LRRC4C: variants seen among roughly 807,000 people sequenced by gnomAD.
LRRC4C encodes the protein leucine-rich repeat-containing protein 4C.
A neutral mutation model predicts 33.6 loss-of-function variants in LRRC4C; 5 were observed. The ratio of observed to expected loss-of-function variants is 0.15; its 90% CI spans 0.08 to 0.31. LRRC4C has a LOEUF of 0.31. Ranked by LOEUF, LRRC4C falls within the 10% of genes least tolerant of loss-of-function variation. The pLI, the probability that LRRC4C is intolerant of heterozygous loss-of-function variation, is 1.00. For missense variants in LRRC4C, 560 were observed against 796.7 expected (o/e 0.70, Z 3.58); for synonymous variants, 329 against 302.0 (o/e 1.09, Z -0.93).
intron 1 of LRRC4C, among the ~76,000 whole-genome samples, chr11:41,093,927 C>CAAAAAAA (rs56173087): frequency 1.7e-5 from 1 of 59,000 alleles, no homozygotes; most frequent in Admixed American, 2.4e-4. Context: ...CCGTCTCCAC[C>CAAAAAAA]AAAAAAAAAA....
intron 1 of LRRC4C, among the ~76,000 whole-genome samples, chr11:41,263,377 T>A (rs1949045530): frequency 6.6e-6 from 1 of 152,178 alleles, no homozygotes; most frequent in South Asian, 2.1e-4. Context: ...TTTCATTTTC[T>A]GAGATCAAAA....
chr11:40,932,112 G>A (rs979779066), intron 2 of LRRC4C, among the ~76,000 whole-genome samples: 1 of 152,066 alleles, frequency 6.6e-6, no homozygotes, highest in African/African-American at 2.4e-5. Context: ...AAGAGAATTT[G>A]CAGCATTGCT....
chr11:40,591,009 GT>G (rs1250204067), intron 3 of LRRC4C, among the ~76,000 whole-genome samples: 3 of 152,194 alleles, frequency 2.0e-5, no homozygotes, highest in Admixed American at 6.5e-5. Flanking sequence ...GCTCCACCCA[GT>G]TGGAGCTTCC....
At chr11:40,767,479 A>C (rs372081126) in intron 2 of LRRC4C, among the ~76,000 whole-genome samples, 2 of 152,100 alleles carry the variant, frequency 1.3e-5, no homozygotes, top group South Asian at 4.1e-4. Context: ...ATGAAACTAA[A>C]AGATATTTAC....
intron 3 of LRRC4C, among the ~76,000 whole-genome samples, chr11:40,454,441 T>C (rs1427268719): frequency 6.6e-6 from 1 of 152,132 alleles, no homozygotes; most frequent in East Asian, 1.9e-4. Context: ...AGTAAAACTC[T>C]GACATCTTCG....
intron 3 of LRRC4C, among the ~76,000 whole-genome samples, chr11:40,484,568 G>A (rs1428505370): frequency 6.6e-6 from 1 of 151,988 alleles, no homozygotes; most frequent in Non-Finnish European, 1.5e-5. Flanking sequence ...TTAGTTATAG[G>A]AGTTGAAATA....
At chr11:40,936,920 A>C (rs1443187337) in intron 1 of LRRC4C, among the ~76,000 whole-genome samples, 1 of 152,192 alleles carries the variant, frequency 6.6e-6, no homozygotes, top group Non-Finnish European at 1.5e-5. Flanking sequence ...CGTTCCAAGA[A>C]GGCAATCACT....
intron 1 of LRRC4C, among the ~76,000 whole-genome samples, chr11:41,380,000 T>G (rs2939753): frequency 0.34 from 52,121 of 151,756 alleles, 9,140 homozygotes; most frequent in East Asian, 0.37. Context: ...ACACACACTA[T>G]TGTCCTCAGT....
At chr11:41,327,897 A>G (rs998371938) in intron 1 of LRRC4C, among the ~76,000 whole-genome samples, 1 of 152,162 alleles carries the variant, frequency 6.6e-6, no homozygotes. Context: ...CCATGATGAA[A>G]TGTGAGTCCA....
At chr11:40,163,015 C>T (rs1373077531) in intron 5 of LRRC4C, among the ~76,000 whole-genome samples, 1 of 152,116 alleles carries the variant, frequency 6.6e-6, no homozygotes, top group Non-Finnish European at 1.5e-5. Context: ...CTCTTATCTT[C>T]TATTATAGTT....
chr11:40,297,989 T>C (rs888326323), intron 4 of LRRC4C, among the ~76,000 whole-genome samples: 5 of 152,186 alleles, frequency 3.3e-5, no homozygotes, highest in African/African-American at 4.8e-5. Flanking sequence ...CAAACCATAA[T>C]TGATTTCACA....
rs557962225 is a variant in LRRC4C at position 41,125,415 on chromosome 11, A to G, written c.-495-191692T>C. On this transcript the variant is annotated intron_variant, in intron 1 of 6. Transcript: ENST00000528697. ...TTCCAACTTTAGCTTCTGGCATAAAAATATGCCTATTTTTGTCTGAAACAA... is the reference window on the plus strand; with the variant it reads ...TTCCAACTTTAGCTTCTGGCATAAAGATATGCCTATTTTTGTCTGAAACAA... 9.1e-4 allele frequency among the ~76,000 whole-genome samples: 139 copies of G among 152,368 alleles called. 2 individuals are homozygous for G. The highest frequency in any genetic ancestry group is 2.5e-3 in the South Asian group (12 of 4,828).
At chr11:41,324,944 C>G (rs1481248436) in intron 1 of LRRC4C, among the ~76,000 whole-genome samples, 1 of 152,126 alleles carries the variant, frequency 6.6e-6, no homozygotes, top group Non-Finnish European at 1.5e-5. Flanking sequence ...AAAGCACATG[C>G]ATAGTGTATA....
intron 2 of LRRC4C, among the ~76,000 whole-genome samples, chr11:40,657,923 T>C (rs1487585295): frequency 6.6e-6 from 1 of 152,102 alleles, no homozygotes; most frequent in Non-Finnish European, 1.5e-5. Flanking sequence ...ATCAATATAA[T>C]TGGATTAAGG....
intron 2 of LRRC4C, among the ~76,000 whole-genome samples, chr11:40,838,402 GA>G (rs1427270068): frequency 6.6e-6 from 1 of 152,112 alleles, no homozygotes; most frequent in Non-Finnish European, 1.5e-5. Context: ...TTCAGCTCAT[GA>G]AAAATGTGCA....
chr11:40,739,664 G>A (rs1948064347), intron 2 of LRRC4C, among the ~76,000 whole-genome samples: 1 of 151,930 alleles, frequency 6.6e-6, no homozygotes, highest in Non-Finnish European at 1.5e-5. Context: ...CTGTTCTTGT[G>A]ATATTGAGTG....
intron 5 of LRRC4C, among the ~76,000 whole-genome samples, chr11:40,223,721 G>A (rs1864582661): frequency 6.6e-6 from 1 of 152,142 alleles, no homozygotes; most frequent in Admixed American, 6.5e-5. Context: ...CCAATAAAAG[G>A]TGTTTCTGCA....
chr11:41,000,597 A>C (rs1242955157), intron 1 of LRRC4C, among the ~76,000 whole-genome samples: 1 of 152,176 alleles, frequency 6.6e-6, no homozygotes, highest in Non-Finnish European at 1.5e-5. Flanking sequence ...TTATGACAAC[A>C]CTGGGCCTAT....
intron 2 of LRRC4C, among the ~76,000 whole-genome samples, chr11:40,820,513 G>A (rs1486970474): frequency 2.0e-5 from 3 of 151,334 alleles, no homozygotes; most frequent in Non-Finnish European, 4.4e-5. Context: ...TATAAAGTGG[G>A]GTTTATCCTA....
Sources: allele counts gnomAD v4.1 joint callset (sites outside exome capture counted in the v4.1 genomes callset), GRCh38; gene constraint gnomAD v4.1.1; transcripts MANE v1.5; gene names NCBI Gene and HGNC (gene_info 2026-07-23, HGNC 2026-07-21).